IMMP2L: variants seen among roughly 807,000 people sequenced by gnomAD.
The protein encoded by IMMP2L is inner mitochondrial membrane peptidase subunit 2.
IMMP2L carries 18 observed loss-of-function variants against 19.3 expected under a neutral mutation model. The observed-to-expected ratio is 0.93, with a 90% confidence interval of 0.64 to 1.38. The LOEUF (loss-of-function observed/expected upper bound fraction) is 1.38, where lower values mean the gene tolerates loss of function less well. IMMP2L is among the 40% of genes most tolerant of loss of function. IMMP2L has a pLI of 0.00. For missense variants in IMMP2L, 233 were observed against 218.2 expected (o/e 1.07, Z -0.43); for synonymous variants, 76 against 73.0 (o/e 1.04, Z -0.21).
chr7:111,487,125 CAT>C (rs1330985390), intron 3 of IMMP2L, 111 bp downstream of exon 3: 1 of 528,290 alleles, frequency 1.9e-6, no homozygotes, highest in African/African-American at 1.9e-5. Flanking sequence ...TTGTATTTAA[CAT>C]GTATTCAATT....
At chr7:110,943,347 T>C (rs571552387) in intron 4 of IMMP2L, among the ~76,000 whole-genome samples, 9 of 152,124 alleles carry the variant, frequency 5.9e-5, no homozygotes, top group Middle Eastern at 3.4e-3. Flanking sequence ...AACCAATTCA[T>C]TTTTAAGAGA....
At chr7:111,524,816 T>C (rs962686803) in intron 1 of IMMP2L, among the ~76,000 whole-genome samples, 1 of 152,124 alleles carries the variant, frequency 6.6e-6, no homozygotes, top group African/African-American at 2.4e-5. Context: ...AGATCCTACT[T>C]TGTAACCTCT....
intron 3 of IMMP2L, among the ~76,000 whole-genome samples, chr7:111,211,656 C>G (rs1811322852): frequency 2.6e-5 from 4 of 152,238 alleles, no homozygotes; most frequent in Admixed American, 6.5e-5. Flanking sequence ...TGGAAAAAGA[C>G]AGAAAACAAG....
chr7:111,182,287 A>G (rs569932023), intron 3 of IMMP2L, among the ~76,000 whole-genome samples: 4 of 151,948 alleles, frequency 2.6e-5, no homozygotes, highest in Non-Finnish European at 4.4e-5. Context: ...AACTAAATCC[A>G]TAGCTTGTTT....
At chr7:111,124,521 G>C (rs1302627920) in intron 3 of IMMP2L, 9 of 1,613,840 alleles carry the variant, frequency 5.6e-6, no homozygotes, top group East Asian at 2.2e-5. Flanking sequence ...TTACTCATCT[G>C]AATCCATCAA....
intron 2 of IMMP2L, among the ~76,000 whole-genome samples, chr7:111,493,967 T>C (rs1180026187): frequency 1.3e-5 from 2 of 150,806 alleles, no homozygotes; most frequent in Non-Finnish European, 2.9e-5. Flanking sequence ...GCCACTGCAC[T>C]CCAGCCTGGG....
intron 3 of IMMP2L, among the ~76,000 whole-genome samples, chr7:111,349,524 C>CT (rs1827926116): frequency 6.6e-6 from 1 of 152,170 alleles, no homozygotes; most frequent in Non-Finnish European, 1.5e-5. Flanking sequence ...TAAAAGTCAG[C>CT]TTCTCCCTCT....
chr7:111,265,086 G>C (rs1221991203), intron 3 of IMMP2L, among the ~76,000 whole-genome samples: 2 of 152,130 alleles, frequency 1.3e-5, no homozygotes, highest in Non-Finnish European at 2.9e-5. Context: ...GGATAATTTA[G>C]TACTAATCTA....
At chr7:110,664,247 T>C (rs762818600) in intron 5 of IMMP2L, among the ~76,000 whole-genome samples, 2 of 151,956 alleles carry the variant, frequency 1.3e-5, no homozygotes, top group African/African-American at 2.4e-5. Context: ...AAAATATATA[T>C]ATTTTGTGAA....
At chr7:110,895,105 A>G (rs977136482) in intron 4 of IMMP2L, among the ~76,000 whole-genome samples, 6 of 152,172 alleles carry the variant, frequency 3.9e-5, no homozygotes, top group Non-Finnish European at 8.8e-5. Context: ...ACAAACATGG[A>G]GGAAGGTGAA....
At chr7:111,141,176 G>A (rs561908607) in intron 3 of IMMP2L, among the ~76,000 whole-genome samples, 1 of 152,076 alleles carries the variant, frequency 6.6e-6, no homozygotes, top group East Asian at 1.9e-4. Flanking sequence ...AATTAACTCA[G>A]ATTTTTTTTT....
At chr7:110,787,606 A>C (rs1800171768) in intron 5 of IMMP2L, among the ~76,000 whole-genome samples, 1 of 151,996 alleles carries the variant, frequency 6.6e-6, no homozygotes, top group South Asian at 2.1e-4. Context: ...ATGTGAAGTC[A>C]AAATCACATT....
At chr7:111,382,345 A>C (rs903022998) in intron 3 of IMMP2L, among the ~76,000 whole-genome samples, 4 of 151,292 alleles carry the variant, frequency 2.6e-5, no homozygotes, top group African/African-American at 9.8e-5. Flanking sequence ...AAAAGTATAC[A>C]CAATGCCAGA....
intron 4 of IMMP2L, among the ~76,000 whole-genome samples, chr7:110,941,420 T>C (rs1816719484): frequency 1.3e-5 from 2 of 152,218 alleles, no homozygotes. Flanking sequence ...GAACAGTATC[T>C]GTGATCCTTT....
chr7:111,357,666 T>C (rs991855803), intron 3 of IMMP2L, among the ~76,000 whole-genome samples: 2 of 152,188 alleles, frequency 1.3e-5, no homozygotes, highest in Admixed American at 6.5e-5. Context: ...TATGTCTAAA[T>C]ATTTTTATTA....
At chr7:111,130,092 G>C (rs1801705061) in intron 3 of IMMP2L, among the ~76,000 whole-genome samples, 1 of 152,066 alleles carries the variant, frequency 6.6e-6, no homozygotes, top group Admixed American at 6.6e-5. Flanking sequence ...AGCCTACAGA[G>C]ATTTGAATTT....
At chr7:110,789,729 G>A (rs938951780) in intron 5 of IMMP2L, among the ~76,000 whole-genome samples, 10 of 151,314 alleles carry the variant, frequency 6.6e-5, no homozygotes, top group African/African-American at 9.8e-5. Flanking sequence ...ATTTCCTACC[G>A]TCCTCCCTGC....
At chr7:111,259,656 A>C (rs1421873428) in intron 3 of IMMP2L, among the ~76,000 whole-genome samples, 1 of 33,996 alleles carries the variant, frequency 2.9e-5, no homozygotes, top group East Asian at 1.0e-3. Flanking sequence ...TTTTAAAACA[A>C]TAATAATAAT....
chr7:111,069,839 G>A (rs185019904), intron 3 of IMMP2L, among the ~76,000 whole-genome samples: 1 of 152,236 alleles, frequency 6.6e-6, no homozygotes, highest in African/African-American at 2.4e-5. Flanking sequence ...TCCAGAGTAT[G>A]CTATTGAACA....
Sources: allele counts gnomAD v4.1 joint callset (sites outside exome capture counted in the v4.1 genomes callset), GRCh38; gene constraint gnomAD v4.1.1; transcripts MANE v1.5; gene names NCBI Gene and HGNC (gene_info 2026-07-23, HGNC 2026-07-21).